The following CCSER1 variants were observed in gnomAD, a reference collection of about 807,000 sequenced individuals.
The protein encoded by CCSER1 is coiled-coil serine rich protein 1, also known as serine-rich coiled-coil domain-containing protein 1.
Under a neutral mutation model 82.0 loss-of-function variants are expected in CCSER1, and 41 were observed. That is an observed-to-expected ratio of 0.50 (90% CI 0.39 to 0.65). The LOEUF (loss-of-function observed/expected upper bound fraction) is 0.65, where lower values mean the gene tolerates loss of function less well. CCSER1 is among the 30% of genes least tolerant of loss of function. The pLI, the probability that CCSER1 is intolerant of heterozygous loss-of-function variation, is 0.00. For missense variants in CCSER1, 1,119 were observed against 1,064.2 expected (o/e 1.05, Z -0.72); for synonymous variants, 414 against 383.9 (o/e 1.08, Z -0.92).
chr4:91,532,324 T>C (rs757554982), intron 10 of CCSER1, among the ~76,000 whole-genome samples: 2 of 152,226 alleles, frequency 1.3e-5, no homozygotes, highest in Non-Finnish European at 2.9e-5. Flanking sequence ...AATGATACCA[T>C]GTAAATGGAT....
At chr4:90,596,188 C>T (rs747479165) in intron 5 of CCSER1, among the ~76,000 whole-genome samples, 13 of 151,444 alleles carry the variant, frequency 8.6e-5, no homozygotes, top group African/African-American at 2.2e-4. Context: ...ATTAAAAGAA[C>T]GCACACTAAA....
At chr4:90,175,419 G>A (rs1313195518) in intron 1 of CCSER1, among the ~76,000 whole-genome samples, 1 of 151,956 alleles carries the variant, frequency 6.6e-6, no homozygotes, top group Non-Finnish European at 1.5e-5. Context: ...CTTTAGAGTT[G>A]ATAGGTATGT....
intron 10 of CCSER1, among the ~76,000 whole-genome samples, chr4:91,505,084 C>G (rs1217950207): frequency 2.0e-5 from 3 of 152,164 alleles, no homozygotes; most frequent in East Asian, 3.9e-4. Context: ...TATCCTGATG[C>G]TCTCCCTTCC....
intron 3 of CCSER1, among the ~76,000 whole-genome samples, chr4:90,389,089 A>G (rs1750558519): frequency 6.6e-6 from 1 of 152,246 alleles, no homozygotes; most frequent in African/African-American, 2.4e-5. Context: ...ACGATTTTTA[A>G]CAAGAAGGTC....
intron 5 of CCSER1, among the ~76,000 whole-genome samples, chr4:90,480,970 G>A (rs1240169354): frequency 6.6e-6 from 1 of 152,182 alleles, no homozygotes; most frequent in Non-Finnish European, 1.5e-5. Context: ...AGTTTGGGCA[G>A]TATGGCCATT....
intron 9 of CCSER1, among the ~76,000 whole-genome samples, chr4:90,948,601 A>C (rs912641882): frequency 6.6e-6 from 1 of 152,156 alleles, no homozygotes; most frequent in African/African-American, 2.4e-5. Flanking sequence ...GAATATATCA[A>C]TTCTCACTGT....
At chr4:90,352,317 C>G (rs1246037431) in intron 3 of CCSER1, among the ~76,000 whole-genome samples, 1 of 147,578 alleles carries the variant, frequency 6.8e-6, no homozygotes, top group Admixed American at 6.7e-5. Flanking sequence ...GACCGAGACT[C>G]TGTCTCAAAA....
intron 9 of CCSER1, among the ~76,000 whole-genome samples, chr4:90,979,270 A>G (rs1460624674): frequency 6.6e-6 from 1 of 151,654 alleles, no homozygotes; most frequent in Non-Finnish European, 1.5e-5. Flanking sequence ...ACATTTATTT[A>G]TTCATTCATT....
chr4:90,169,228 C>T (rs1196824759), intron 1 of CCSER1, among the ~76,000 whole-genome samples: 1 of 151,984 alleles, frequency 6.6e-6, no homozygotes, highest in Admixed American at 6.6e-5. Context: ...ATTTTATTCT[C>T]TTTGAAGCAA....
chr4:90,751,471 T>C (rs1211927605), intron 7 of CCSER1, among the ~76,000 whole-genome samples: 1 of 152,080 alleles, frequency 6.6e-6, no homozygotes, highest in Non-Finnish European at 1.5e-5. Flanking sequence ...CATATGGTGT[T>C]TACATTCTTC....
chr4:90,426,703 A>C (rs1757574468), intron 4 of CCSER1, among the ~76,000 whole-genome samples: 1 of 152,216 alleles, frequency 6.6e-6, no homozygotes, highest in African/African-American at 2.4e-5. Context: ...GAAATAAAAT[A>C]CTGAGTATGT....
At chr4:90,683,553 A>G (rs186898791) in intron 6 of CCSER1, among the ~76,000 whole-genome samples, 8 of 152,258 alleles carry the variant, frequency 5.3e-5, no homozygotes, top group African/African-American at 1.7e-4. Context: ...AAGAACTTGC[A>G]AAAGAAATTA....
intron 7 of CCSER1, among the ~76,000 whole-genome samples, chr4:90,739,098 G>T (rs997583189): frequency 6.6e-6 from 1 of 152,230 alleles, no homozygotes; most frequent in Non-Finnish European, 1.5e-5. Context: ...GCATAGCTCT[G>T]AGTCTCACTC....
chr4:90,395,998 T>A (rs1751896720), intron 3 of CCSER1, among the ~76,000 whole-genome samples: 1 of 152,012 alleles, frequency 6.6e-6, no homozygotes, highest in African/African-American at 2.4e-5. Context: ...GGAGAATTGC[T>A]TAAACCCAGG....
intron 10 of CCSER1, among the ~76,000 whole-genome samples, chr4:91,282,674 T>G (rs1350174768): frequency 6.6e-6 from 1 of 152,160 alleles, no homozygotes; most frequent in Non-Finnish European, 1.5e-5. Flanking sequence ...CGTGCAAATA[T>G]TTGACAAGAT....
intron 10 of CCSER1, among the ~76,000 whole-genome samples, chr4:91,343,533 C>G (rs1035123131): frequency 3.8e-4 from 58 of 152,152 alleles, no homozygotes; most frequent in East Asian, 1.4e-3. Context: ...CTATTATTTC[C>G]AAAGTGTGAA....
At chr4:91,228,744 T>A (rs1303523002) in intron 10 of CCSER1, among the ~76,000 whole-genome samples, 1 of 151,826 alleles carries the variant, frequency 6.6e-6, no homozygotes, top group African/African-American at 2.4e-5. Context: ...AGCAAAAAAA[T>A]AAGAACAAGA....
intron 10 of CCSER1, among the ~76,000 whole-genome samples, chr4:91,411,235 A>G (rs1031018310): frequency 6.6e-6 from 1 of 151,580 alleles, no homozygotes; most frequent in African/African-American, 2.4e-5. Context: ...CCTCAGTGTT[A>G]TACCAATTAC....
intron 10 of CCSER1, among the ~76,000 whole-genome samples, chr4:91,160,032 T>A (rs898965866): frequency 6.6e-6 from 1 of 151,918 alleles, no homozygotes; most frequent in East Asian, 1.9e-4. Flanking sequence ...TTTCTCCTAA[T>A]GCTATCCCTC....
Sources: allele counts gnomAD v4.1 joint callset (sites outside exome capture counted in the v4.1 genomes callset), GRCh38; gene constraint gnomAD v4.1.1; transcripts MANE v1.5; gene names NCBI Gene and HGNC (gene_info 2026-07-23, HGNC 2026-07-21).